ZNF618: variants seen among roughly 807,000 people sequenced by gnomAD.
The protein encoded by ZNF618 is neural precursor cell expressed, developmentally down-regulated 10.
In ZNF618, 34 loss-of-function variants were observed where a neutral mutation model predicts 103.0. The observed-to-expected ratio is 0.33, with a 90% CI of 0.25 to 0.44. The LOEUF (loss-of-function observed/expected upper bound fraction) is 0.44. ZNF618 is among the 20% of genes least tolerant of loss of function. The probability of loss-of-function intolerance (pLI) is 1.00; values close to 1 mark genes in which losing one functional copy is unlikely to be tolerated. For synonymous variants in ZNF618, 551 were observed against 542.2 expected, an observed-to-expected ratio of 1.02 and a Z score of -0.23; for missense variants, 1,059 against 1,295.4, an observed-to-expected ratio of 0.82 and a Z score of 2.80.
At chr9:113,944,464 A>G (rs1834826344) in intron 1 of ZNF618, among the ~76,000 whole-genome samples, 1 of 152,084 alleles carries the variant, frequency 6.6e-6, no homozygotes, top group African/African-American at 2.4e-5. Flanking sequence ...TTTTTCATTG[A>G]GACGGGATTT....
At chr9:113,999,150 C>G (rs1224322164) in intron 4 of ZNF618, among the ~76,000 whole-genome samples, 1 of 152,230 alleles carries the variant, frequency 6.6e-6, no homozygotes, top group African/African-American at 2.4e-5. Context: ...CTCCCTGGCC[C>G]CATCACAAAG....
At chr9:113,957,004 G>A (rs1305841796) in intron 1 of ZNF618, among the ~76,000 whole-genome samples, 3 of 152,136 alleles carry the variant, frequency 2.0e-5, no homozygotes, top group Non-Finnish European at 4.4e-5. Context: ...TGAAGAAACT[G>A]AGTCACAAAG....
In ZNF618 at chr9:113,954,266, A is replaced by C. The variant is rs141664596; in HGVS notation, c.34-14851A>C. Among the ~76,000 whole-genome samples the C allele has an allele frequency of 5.3e-3, 804 of 152,164 alleles. 5 individuals carry two copies. Among genetic ancestry groups the C allele is most frequent in the Middle Eastern group, 0.027 (8 of 294 alleles). On this transcript the variant is annotated intron_variant, in intron 1 of 14. Coordinates refer to ENST00000374126, the MANE Select transcript of ZNF618 (RefSeq NM_001318042.2). Reference sequence around the variant, plus strand: ...CCCAGAGCCTCTGATCGTCATCCCTATAGGTCTGGTCAAGGGATGCTTCTA... The same window carrying C: ...CCCAGAGCCTCTGATCGTCATCCCTCTAGGTCTGGTCAAGGGATGCTTCTA...
chr9:113,909,507 G>A (rs1831309396), intron 1 of ZNF618, among the ~76,000 whole-genome samples: 1 of 152,160 alleles, frequency 6.6e-6, no homozygotes, highest in Admixed American at 6.5e-5. Context: ...TCAGTGGGCA[G>A]CTGTCCAGAA....
intron 1 of ZNF618, among the ~76,000 whole-genome samples, chr9:113,944,004 G>A (rs1019359421): frequency 3.3e-5 from 5 of 152,204 alleles, no homozygotes; most frequent in African/African-American, 9.7e-5. Context: ...AAATCTGGAT[G>A]GGGAACGTGA....
rs183426646 is a variant in ZNF618, at chr9:113,952,231, G to C, written c.34-16886G>C. Among the ~76,000 whole-genome samples, 6 of 152,288 alleles carry C rather than the reference G, an allele frequency of 3.9e-5. No individual in the cohort carries two copies. The East Asian group carries it at 1.2e-3, about 29-fold the overall frequency. ...TGGCCCTTAAATATGGAGGAGAAAA[G>C]CTGGATAATTAAGGCTGGTTTGAAG... On this transcript the variant is annotated intron_variant, in intron 1 of 14. Coordinates refer to ENST00000374126, the MANE Select transcript of ZNF618 (RefSeq NM_001318042.2).
intron 1 of ZNF618, among the ~76,000 whole-genome samples, chr9:113,905,799 C>T (rs543872165): frequency 1.3e-5 from 2 of 152,294 alleles, no homozygotes; most frequent in Admixed American, 6.5e-5. Flanking sequence ...CATGTTTCAC[C>T]TTCCTTGCTC....
At chr9:114,007,914 C>G (rs1263747812) in intron 7 of ZNF618, among the ~76,000 whole-genome samples, 1 of 152,206 alleles carries the variant, frequency 6.6e-6, no homozygotes, top group East Asian at 1.9e-4. Flanking sequence ...CCGTCTAGCC[C>G]CACACCTTCA....
chr9:114,011,289 C>T (rs1479314925), intron 9 of ZNF618, among the ~76,000 whole-genome samples: 1 of 152,232 alleles, frequency 6.6e-6, no homozygotes, highest in African/African-American at 2.4e-5. Context: ...CACATGCATG[C>T]AAAGCATTAA....
intron 1 of ZNF618, among the ~76,000 whole-genome samples, chr9:113,947,115 G>A (rs1192154322): frequency 2.0e-5 from 3 of 152,192 alleles, no homozygotes; most frequent in Admixed American, 6.5e-5. Context: ...CTGCTGCAGA[G>A]GAGGGGCTCA....
At chr9:113,884,008 G>T (rs906936033) in intron 1 of ZNF618, among the ~76,000 whole-genome samples, 2 of 16,356 alleles carry the variant, frequency 1.2e-4, no homozygotes, top group African/African-American at 1.9e-4. Context: ...CCCCCGCCCT[G>T]TACAGTGAAG....
intron 9 of ZNF618, among the ~76,000 whole-genome samples, chr9:114,010,010 C>A (rs1313207281): frequency 6.6e-6 from 1 of 152,244 alleles, no homozygotes; most frequent in Non-Finnish European, 1.5e-5. Flanking sequence ...TAAAAATCAT[C>A]TTAAAGATGA....
intron 10 of ZNF618, among the ~76,000 whole-genome samples, chr9:114,018,736 T>C (rs1842836478): frequency 1.3e-5 from 2 of 152,234 alleles, no homozygotes; most frequent in African/African-American, 4.8e-5. Flanking sequence ...TTCCTCACTT[T>C]CTTTTGCTTT....
In ZNF618 at chr9:114,054,895, T is replaced by C. The variant is rs1846364812; in HGVS notation, c.*4728T>C. On this transcript the variant is annotated 3_prime_UTR_variant, in exon 15 of 15. Transcript: ENST00000374126. ...CTCCCACTTTAATGAGGGTGAAGAT[T>C]GTCAGGTCACTGTTTGACATATTCA... 1 of 152,180 alleles carries C rather than the reference T, an allele frequency of 6.6e-6. No individual in the cohort carries two copies. The highest frequency in any genetic ancestry group is 2.4e-5 in the African/African-American group (1 of 41,436). The allele number at this position is 152,180 out of a possible 1,614,324, so 9.4% of individuals were successfully genotyped here.
Position 114,049,879 on chromosome 9 carries a change from G to C in ZNF618, c.2577G>C (p.Glu859Asp). The change falls in exon 15 of 15, where the codon GAG becomes GAC. Residue 859 changes from glutamate (E) to aspartate (D), a missense_variant. Glu to Asp is a conservative substitution (Grantham distance 45, BLOSUM62 2). Around this residue, in one of 6 missense-constraint regions of ZNF618, gnomAD observed 156 missense variants for 197.1 expected, o/e 0.79. Coordinates refer to ENST00000374126, the MANE Select transcript of ZNF618 (RefSeq NM_001318042.2). ...AAKKPRSAAV[E>D]NPAAQEDDRL... ...AGAAGCCCCGCTCTGCTGCCGTCGA[G>C]AACCCCGCAGCTCAGGAAGATGATC... is the stretch of plus-strand genomic sequence containing the variant. 2 of 1,613,936 alleles carry C rather than the reference G, an allele frequency of 1.2e-6. No individual in the cohort carries two copies. The highest frequency in any genetic ancestry group is 1.7e-6 in the Non-Finnish European group (2 of 1,179,900).
intron 2 of ZNF618, among the ~76,000 whole-genome samples, chr9:113,971,801 G>C (rs1436538638): frequency 1.3e-5 from 2 of 152,146 alleles, no homozygotes; most frequent in Non-Finnish European, 2.9e-5. Flanking sequence ...GTCAGAGGAG[G>C]GGTAGGGTGG....
chr9:113,896,888 A>G (rs16910368), intron 1 of ZNF618, among the ~76,000 whole-genome samples: 5,281 of 152,018 alleles, frequency 0.035, 85 homozygotes, highest in African/African-American at 0.046. Flanking sequence ...TATGCTTTCT[A>G]CTTTCAGTTC....
At chr9:113,930,577 G>A (rs1175485139) in intron 1 of ZNF618, among the ~76,000 whole-genome samples, 4 of 152,226 alleles carry the variant, frequency 2.6e-5, no homozygotes, top group African/African-American at 9.6e-5. Context: ...CCAGCATGTG[G>A]CCTGGTGCCC....
intron 1 of ZNF618, among the ~76,000 whole-genome samples, chr9:113,942,400 G>A (rs916892169): frequency 3.3e-5 from 5 of 152,104 alleles, no homozygotes; most frequent in African/African-American, 9.7e-5. Flanking sequence ...AAGGTAGGAC[G>A]CAGGAGTTGA....
Sources: gnomAD v4.1 joint callset for allele counts (sites outside exome capture counted in the v4.1 genomes callset) on GRCh38, gnomAD v4.1.1 for gene constraint, gnomAD v4.1.1 regional missense constraint, MANE v1.5 for transcripts, NCBI Gene and HGNC (gene_info 2026-07-23, HGNC 2026-07-21) for gene names.